GCN1: variants seen among roughly 807,000 people sequenced by gnomAD.
GCN1 encodes GCN1 activator of EIF2AK4.
In GCN1, 90 loss-of-function variants were observed where a neutral mutation model predicts 288.4. The observed-to-expected ratio is 0.31, with a 90% CI of 0.26 to 0.37. The LOEUF (loss-of-function observed/expected upper bound fraction) is 0.37. Ranked by LOEUF, GCN1 falls within the 10% of genes least tolerant of loss-of-function variation. The pLI, the probability that GCN1 is intolerant of heterozygous loss-of-function variation, is 1.00. For missense variants in GCN1, 2,586 were observed against 3,419.9 expected (o/e 0.76, Z 6.08); for synonymous variants, 1,386 against 1,420.2 (o/e 0.98, Z 0.54).
intron 45 of GCN1, 46 bp from the exon 46 acceptor site, chr12:120,138,902 A>G (rs769194923): frequency 1.3e-6 from 2 of 1,544,216 alleles, no homozygotes; most frequent in Non-Finnish European, 1.8e-6. Flanking sequence ...AAAGGCAAAG[A>G]AGGAGCAGAA....
In GCN1 at chr12:120,164,436, T is replaced by C; in HGVS notation, c.1748A>G (p.Gln583Arg). ...LLSRTWHVRR[Q>R]AQQTVRKLLS... is the part of the protein sequence containing the mutation. ...CAGCTTCCGAACTGTCTGCTGAGCCTGCCTGCGGACGTGCCAGGTGCGGCT... is the reference window on the plus strand; with the variant it reads ...CAGCTTCCGAACTGTCTGCTGAGCCCGCCTGCGGACGTGCCAGGTGCGGCT... Residue 583 changes from glutamine (Q) to arginine (R), a missense_variant, in exon 18 of 58, where the codon CAG becomes CGG. Coordinates refer to ENST00000300648, the MANE Select transcript of GCN1 (RefSeq NM_006836.2). The C allele has an allele frequency of 1.9e-6, 3 of 1,614,118 alleles. No individual in the cohort carries two copies. The highest frequency in any genetic ancestry group is 1.7e-5 in the Admixed American group (1 of 60,014).
chr12:120,138,200 G>A (rs1877075103), intron 47 of GCN1, 123 bp downstream of exon 47: 2 of 916,656 alleles, frequency 2.2e-6, no homozygotes, highest in South Asian at 2.8e-5. Flanking sequence ...AGGATGTAAT[G>A]CTTGCACTGC....
rs1278872910 is a variant in GCN1 at position 120,142,964 on chromosome 12, A to G, written c.5496-23T>C. 2.1e-6 allele frequency: 3 copies of G among 1,423,670 alleles called. No individual in the cohort carries two copies. Among genetic ancestry groups the G allele is most frequent in the Non-Finnish European group, 3.0e-6 (3 of 1,006,388 alleles). The allele number at this position is 1,423,670 out of a possible 1,614,324, so 88.2% of individuals were successfully genotyped here. Reference sequence around the variant, plus strand: ...AACCTGAGAAGGAGGCCAACAACACAGTCACACAGCTGCAAGGAGTGGGCT... The same window carrying G: ...AACCTGAGAAGGAGGCCAACAACACGGTCACACAGCTGCAAGGAGTGGGCT... On this transcript the variant is annotated intron_variant, in intron 42 of 57. Transcript: ENST00000300648. The surrounding 1 kb of genome is among the most constrained non-coding windows in gnomAD (Gnocchi z 4.9).
rs766249361 is a variant in GCN1 at position 120,140,904 on chromosome 12, C to T, written c.5949G>A (p.Val1983=). ...TCATGATCTCACTTAGGCCAATGCA[C>T]ACACCCTGCCTCTCATCGCTCTTCT... The part of the protein sequence containing the change: ...RSQKSDERQG[V]CIGLSEIMKS... Residue 1983 remains valine, a synonymous_variant, in exon 45 of 58, where the codon GTG becomes GTA. Transcript: ENST00000300648. 1 of 1,614,124 alleles carries T rather than the reference C, an allele frequency of 6.2e-7. No individual in the cohort carries two copies. Among genetic ancestry groups the T allele is most frequent in the South Asian group, 1.1e-5 (1 of 91,080 alleles).
intron 22 of GCN1, 134 bp downstream of exon 22, chr12:120,161,356 T>C (rs1203390029): frequency 1.5e-6 from 1 of 666,624 alleles, no homozygotes. Context: ...CAGACACTGG[T>C]CAGGGGCATC....
rs1020941863 is a variant in GCN1 at position 120,145,057 on chromosome 12, C to T, written c.5021G>A (p.Arg1674Gln). 10 of 1,613,842 alleles carry T rather than the reference C, an allele frequency of 6.2e-6. No individual in the cohort carries two copies. The highest frequency in any genetic ancestry group is 8.5e-6 in the Non-Finnish European group (10 of 1,180,026). The change falls in exon 40 of 58, where the codon CGG becomes CAG. Residue 1674 changes from arginine to glutamine, a missense_variant. Physicochemically the swap from Arg to Gln is conservative, Grantham distance 43. Transcript: ENST00000300648. The part of the protein sequence containing the change: ...ASLLDPVPEV[R>Q]TVSAKALGAM... Reference sequence around the variant, plus strand: ...CCCAAGGGCCTTTGCAGATACGGTCCGCACCTGTCAGGTAACCGAGAGCAG... The same window carrying T: ...CCCAAGGGCCTTTGCAGATACGGTCTGCACCTGTCAGGTAACCGAGAGCAG...
chr12:120,155,331 G>T lies in GCN1; in HGVS notation c.3540C>A (p.Ala1180=). Residue 1180 remains alanine, a synonymous_variant, in exon 30 of 58, where the codon GCC becomes GCA. Transcript: ENST00000300648. This position sits in a 1 kb window ranked among gnomAD's most constrained non-coding sequence, Gnocchi z 4.9. ...YHEAAVRQAG[A]EALSQAVARY... is the part of the protein sequence containing the mutation. ...GTGCCACTGCTTGGGAGAGGGCTTC[G>T]GCCCCTGCCTGCCTTACAGCCGCCT... 1 of 1,614,186 alleles carries T rather than the reference G, an allele frequency of 6.2e-7. No homozygotes were observed. Among genetic ancestry groups the T allele is most frequent in the Non-Finnish European group, 8.5e-7 (1 of 1,180,046 alleles).
chr12:120,165,817 A>G (rs1332963053), intron 16 of GCN1, among the ~76,000 whole-genome samples: 1 of 151,554 alleles, frequency 6.6e-6, no homozygotes, highest in East Asian at 2.0e-4. Context: ...TTTGAGACGG[A>G]GTCTTGCTCT....
At position 120,187,273 on chromosome 12, in the gene GCN1, C is replaced by T. The variant is rs536149128; in HGVS notation, c.122-2386G>A. 4.0e-5 allele frequency among the ~76,000 whole-genome samples: 6 copies of T among 149,694 alleles called. No homozygotes were observed. The South Asian group carries it at 6.3e-4, about 16-fold the overall frequency. ...TGTTACCCAGGCTGGAGTGCAATGG[C>T]GCAATCTCAGCTCACTGCAACCTCC... On this transcript the variant is annotated intron_variant, in intron 2 of 57. Coordinates refer to ENST00000300648, the MANE Select transcript of GCN1 (RefSeq NM_006836.2).
intron 37 of GCN1, 58 bp downstream of exon 37, chr12:120,148,109 C>A (rs956506261): frequency 7.6e-7 from 1 of 1,323,094 alleles, no homozygotes; most frequent in Non-Finnish European, 1.1e-6. Flanking sequence ...CCTGCAGTGT[C>A]CAAAGGCTGC....
chr12:120,134,197 G>T lies in GCN1; in HGVS notation c.7317+94C>A. The stretch of plus-strand genomic sequence containing the variant: ...CAGGAATGCTTATTACTACTGAGCT[G>T]TACTGGTTCTAACACAAAGTGAAGA... On this transcript the variant is annotated intron_variant, in intron 53 of 57. Transcript: ENST00000300648. The surrounding 1 kb of genome is among the most constrained non-coding windows in gnomAD (Gnocchi z 5.0). 1 of 785,506 alleles carries T rather than the reference G, an allele frequency of 1.3e-6. No homozygotes were observed. The highest frequency in any genetic ancestry group is 2.5e-5 in the East Asian group (1 of 40,460). The allele number at this position is 785,506 out of a possible 1,614,324, so 48.7% of individuals were successfully genotyped here. A position where few individuals can be genotyped will look rare whatever the true frequency, so the allele number is the denominator to read the frequency against.
At chr12:120,187,341 G>C (rs1274985882) in intron 2 of GCN1, among the ~76,000 whole-genome samples, 1 of 151,654 alleles carries the variant, frequency 6.6e-6, no homozygotes, top group African/African-American at 2.4e-5. Context: ...GCCTCCCAAA[G>C]TAGCTGGGAT....
chr12:120,141,035 G>A lies in GCN1; in HGVS notation c.5830-12C>T, dbSNP rs775214886. 52 of 1,606,602 alleles carry A rather than the reference G, an allele frequency of 3.2e-5. 1 individual carries two copies. The South Asian group carries it at 5.0e-4, about 15-fold the overall frequency. On this transcript the variant is annotated splice_polypyrimidine_tract_variant and intron_variant, in intron 44 of 57. Transcript: ENST00000300648. The stretch of plus-strand genomic sequence containing the variant: ...GTTCTCGCTGCAATCTGTCAACAGA[G>A]ACCAATCCAGGAAGTAAAGTCCCTG...
At position 120,158,021 on chromosome 12, in the gene GCN1, G is replaced by C; in HGVS notation, c.2915C>G (p.Pro972Arg). ...TAAGGAGAAGGCTGGCGCGGACAAG[G>C]GCGCAGCACCTGTGAGAGCGAGAAG... The part of the protein sequence containing the change: ...RVGKGEPGAA[P>R]LSAPAFSLVF... Residue 972 changes from proline to arginine, a missense_variant, in exon 26 of 58, where the codon CCC (proline) becomes CGC (arginine). Physicochemically the swap from Pro to Arg is moderately radical, Grantham distance 103 (BLOSUM62 -2). This residue lies in a region of GCN1 where 153 missense variants were observed against 252.0 expected (regional missense o/e 0.61). Coordinates refer to ENST00000300648, the MANE Select transcript of GCN1 (RefSeq NM_006836.2). This position sits in a 1 kb window ranked among gnomAD's most constrained non-coding sequence, Gnocchi z 4.3. 6.2e-7 allele frequency: 1 copy of C among 1,613,852 alleles called. No homozygotes were observed. The highest frequency in any genetic ancestry group is 8.5e-7 in the Non-Finnish European group (1 of 1,180,016).
At chr12:120,181,634 G>A (rs1391026677) in intron 5 of GCN1, among the ~76,000 whole-genome samples, 1 of 151,642 alleles carries the variant, frequency 6.6e-6, no homozygotes, top group Non-Finnish European at 1.5e-5. Flanking sequence ...GAGGTCAGGA[G>A]TTCGAGACCA....
At chr12:120,138,159 A>C in intron 47 of GCN1, 115 bp from the exon 48 acceptor site, 4 of 1,018,606 alleles carry the variant, frequency 3.9e-6, no homozygotes, top group Non-Finnish European at 4.5e-6. Flanking sequence ...CCAAGCATCT[A>C]CTCCAGCATA....
At position 120,158,672 on chromosome 12, in the gene GCN1, C is replaced by T; in HGVS notation, c.2750-57G>A. On this transcript the variant is annotated intron_variant, in intron 24 of 57. Coordinates refer to ENST00000300648, the MANE Select transcript of GCN1 (RefSeq NM_006836.2). This position sits in a 1 kb window ranked among gnomAD's most constrained non-coding sequence, Gnocchi z 4.3. ...TGACACACAGAGATGTGGAATCCAGCCCAGGCTAAAACAGGGGACCCAGTG... is the reference window on the plus strand; with the variant it reads ...TGACACACAGAGATGTGGAATCCAGTCCAGGCTAAAACAGGGGACCCAGTG... 1.4e-6 allele frequency: 2 copies of T among 1,467,812 alleles called. No individual in the cohort carries two copies. The highest frequency in any genetic ancestry group is 9.2e-7 in the Non-Finnish European group (1 of 1,082,906). The allele number at this position is 1,467,812 out of a possible 1,614,324, so 90.9% of individuals were successfully genotyped here.
rs142173146 is a variant in GCN1, at chr12:120,181,118, G to C, written c.427-2168C>G. Among the ~76,000 whole-genome samples, 1,001 of 152,088 alleles carry C rather than the reference G, an allele frequency of 6.6e-3. 23 individuals carry two copies. The highest frequency in any genetic ancestry group is 0.023 in the African/African-American group (957 of 41,494). On this transcript the variant is annotated intron_variant, in intron 5 of 57. Coordinates refer to ENST00000300648, the MANE Select transcript of GCN1 (RefSeq NM_006836.2). Reference sequence around the variant, plus strand: ...AAGGTTATTCTTTGCAGAACTGTTAGTAACAATAAAAAACCGTAAGCAACA... The same window carrying C: ...AAGGTTATTCTTTGCAGAACTGTTACTAACAATAAAAAACCGTAAGCAACA...
chr12:120,137,288 A>G lies in GCN1; in HGVS notation c.6695T>C (p.Ile2232Thr), dbSNP rs1186307060. 1.2e-6 allele frequency: 2 copies of G among 1,614,116 alleles called. No individual in the cohort carries two copies. The highest frequency in any genetic ancestry group is 1.7e-6 in the Non-Finnish European group (2 of 1,179,986). ...CCGGATTTCCTTGTGCAGCTCTTCA[A>G]TGAGTGCCAACTGGTTGCCAGCATC... ...KLDAGNQLALIEELHKEIRLI... is the reference protein window; with the variant it reads ...KLDAGNQLALTEELHKEIRLI... Residue 2232 changes from isoleucine (I) to threonine (T), a missense_variant, in exon 50 of 58, where the codon ATT becomes ACT. Physicochemically the swap from Ile to Thr is moderately conservative, Grantham distance 89. This residue lies in a region of GCN1 where 437 missense variants were observed against 570.5 expected (regional missense o/e 0.77). Transcript: ENST00000300648. This position sits in a 1 kb window ranked among gnomAD's most constrained non-coding sequence, Gnocchi z 5.2.
Sources: gnomAD v4.1 joint callset for allele counts (sites outside exome capture counted in the v4.1 genomes callset) on GRCh38, gnomAD v4.1.1 for gene constraint, gnomAD v4.1.1 regional missense constraint, Gnocchi (gnomAD v3.1) non-coding constraint, MANE v1.5 for transcripts, NCBI Gene and HGNC (gene_info 2026-07-23, HGNC 2026-07-21) for gene names.